The following POLR3C variants were observed in gnomAD, a reference collection of about 807,000 sequenced individuals.
POLR3C encodes DNA-directed RNA polymerase III subunit RPC3.
Under a neutral mutation model 65.9 loss-of-function variants are expected in POLR3C, and 44 were observed. That is an observed-to-expected ratio of 0.67 (90% CI 0.52 to 0.86). The LOEUF is 0.86. Among genes scored for constraint, POLR3C ranks in the 40% least tolerant of loss-of-function variants. The pLI is 0.00. For synonymous variants in POLR3C, 263 were observed against 231.6 expected (o/e 1.14, Z -1.23); for missense variants, 576 against 653.2 (o/e 0.88, Z 1.29).
intron 9 of POLR3C, 35 bp from the exon 10 acceptor site, chr1:145,837,501 A>G: frequency 2.4e-6 from 3 of 1,241,846 alleles, no homozygotes; most frequent in Non-Finnish European, 3.4e-6. Flanking sequence ...ACTAGGCCAA[A>G]ACATTACTGA....
intron 5 of POLR3C, among the ~76,000 whole-genome samples, chr1:145,831,858 A>G (rs1446064949): frequency 2.6e-5 from 4 of 152,144 alleles, no homozygotes; most frequent in Non-Finnish European, 5.9e-5. Flanking sequence ...CCTGAGCAAC[A>G]TGGTGAGACC....
chr1:145,824,414 A>G (rs868950736), intron 1 of POLR3C, 45 bp downstream of exon 1: 2 of 547,730 alleles, frequency 3.7e-6, no homozygotes, highest in South Asian at 1.5e-5. Context: ...TGACTGGACC[A>G]AGAGACCACG....
Position 145,826,575 on chromosome 1 carries a change from G to C in POLR3C, c.269G>C (p.Arg90Pro). 6.2e-7 allele frequency: 1 copy of C among 1,614,072 alleles called. No homozygotes were observed. Among genetic ancestry groups the C allele is most frequent in the Non-Finnish European group, 8.5e-7 (1 of 1,180,020 alleles). The part of the protein sequence containing the change: ...SRVLRMLRYP[R>P]YIYTTKTLYS... ...GTATTGCGAATGCTTAGATATCCCCGGTACATCTATACTACCAAAACTCTG... is the reference window on the plus strand; with the variant it reads ...GTATTGCGAATGCTTAGATATCCCCCGTACATCTATACTACCAAAACTCTG... Residue 90 changes from arginine (R) to proline (P), a missense_variant, in exon 3 of 15, where the codon CGG becomes CCG. Physicochemically the swap from Arg to Pro is moderately radical, Grantham distance 103. Coordinates refer to ENST00000334163, the MANE Select transcript of POLR3C (RefSeq NM_006468.8).
intron 7 of POLR3C, among the ~76,000 whole-genome samples, chr1:145,834,979 A>G (rs1327373384): frequency 6.6e-6 from 1 of 151,168 alleles, no homozygotes; most frequent in Non-Finnish European, 1.5e-5. Context: ...CGTCTCTACA[A>G]AAAATTTTTT....
intron 7 of POLR3C, among the ~76,000 whole-genome samples, chr1:145,834,956 A>G (rs1651676334): frequency 6.6e-6 from 1 of 151,266 alleles, no homozygotes; most frequent in Non-Finnish European, 1.5e-5. Flanking sequence ...CCTGGGCAAC[A>G]TGACAAGACC....
Position 145,825,881 on chromosome 1 carries a change from A to C in POLR3C, c.105A>C (p.Pro35=). Residue 35 remains proline (P), a synonymous_variant, in exon 2 of 15, where the codon CCA becomes CCC. Coordinates refer to ENST00000334163, the MANE Select transcript of POLR3C (RefSeq NM_006468.8). ...GVHLIRTGSQ[P]LRVIAHDTGT... The stretch of plus-strand genomic sequence containing the variant: ...ATCTGATAAGAACCGGCAGCCAGCC[A>C]CTAAGAGTAATTGCCCATGACACAG... 3 of 1,613,720 alleles carry C rather than the reference A, an allele frequency of 1.9e-6. No individual in the cohort carries two copies. The highest frequency in any genetic ancestry group is 2.5e-6 in the Non-Finnish European group (3 of 1,179,580).
At chr1:145,827,497 C>T (rs781862753) in intron 4 of POLR3C, among the ~76,000 whole-genome samples, 9 of 152,044 alleles carry the variant, frequency 5.9e-5, no homozygotes, top group South Asian at 2.1e-4. Flanking sequence ...TGGTGGTTCA[C>T]GCCTGTAATC....
rs587637304 is a variant in POLR3C at position 145,835,218 on chromosome 1, G to A, written c.877-1276G>A. ...AATCCCAGTACTTTGGGTGGCCGAG[G>A]CAGGCAGATCACCTGAGGAGTTCAA... On this transcript the variant is annotated intron_variant, in intron 7 of 14. Transcript: ENST00000334163. Among the ~76,000 whole-genome samples, 2 of 151,100 alleles carry A rather than the reference G, an allele frequency of 1.3e-5. 1 individual carries two copies. Among genetic ancestry groups the A allele is most frequent in the Non-Finnish European group, 2.9e-5 (2 of 67,886 alleles).
At chr1:145,828,720 G>T in intron 4 of POLR3C, 29 bp from the exon 5 acceptor site, 1 of 1,406,216 alleles carries the variant, frequency 7.1e-7, no homozygotes, top group Middle Eastern at 1.8e-4. Context: ...ATGAGATATA[G>T]TCTAAGTGTT....
rs372208573 is a variant in POLR3C, at chr1:145,826,865, G to A, written c.449G>A (p.Arg150Gln). The change falls in exon 4 of 15, where the codon CGA becomes CAA. Residue 150 changes from arginine to glutamine, a missense_variant. Transcript: ENST00000334163. ...GCTGAAGTATCAAACACATTTGTGC[G>A]ACTGGCAGACACACACTTTGTACAA... ...DYAEVSNTFV[R>Q]LADTHFVQRC... The A allele has an allele frequency of 1.2e-5, 20 of 1,611,824 alleles. No individual in the cohort carries two copies. Among genetic ancestry groups the A allele is most frequent in the Middle Eastern group, 1.6e-4 (1 of 6,068 alleles).
chr1:145,825,868 C>A lies in POLR3C; in HGVS notation c.92C>A (p.Thr31Asn). The A allele has an allele frequency of 1.2e-6, 2 of 1,613,432 alleles. No homozygotes were observed. Among genetic ancestry groups the A allele is most frequent in the South Asian group, 1.1e-5 (1 of 91,056 alleles). Residue 31 changes from threonine to asparagine, a missense_variant, in exon 2 of 15, where the codon ACC becomes AAC. Coordinates refer to ENST00000334163, the MANE Select transcript of POLR3C (RefSeq NM_006468.8). Reference sequence around the variant, plus strand: ...AAAATTGGAGTCCATCTGATAAGAACCGGCAGCCAGCCACTAAGAGTAATT... The same window carrying A: ...AAAATTGGAGTCCATCTGATAAGAAACGGCAGCCAGCCACTAAGAGTAATT... The part of the protein sequence containing the change: ...VEKIGVHLIR[T>N]GSQPLRVIAH...
Position 145,842,491 on chromosome 1 carries a change from T to C in POLR3C, c.*71T>C. On this transcript the variant is annotated 3_prime_UTR_variant, in exon 15 of 15. Coordinates refer to ENST00000334163, the MANE Select transcript of POLR3C (RefSeq NM_006468.8). ...AAAATAAAGGAGGTGCCTGGATGCA[T>C]TATTTGCAGTGGGATAAGTCGCAGA... is the stretch of plus-strand genomic sequence containing the variant. 1.0e-6 allele frequency: 1 copy of C among 987,742 alleles called. No individual in the cohort carries two copies. The highest frequency in any genetic ancestry group is 1.6e-6 in the Non-Finnish European group (1 of 613,708). The allele number at this position is 987,742 out of a possible 1,614,324, so 61.2% of individuals were successfully genotyped here.
rs587603396 is a variant in POLR3C at position 145,836,879 on chromosome 1, G to T, written c.1009+13G>T. 6.6e-7 allele frequency: 1 copy of T among 1,505,598 alleles called. No homozygotes were observed. The highest frequency in any genetic ancestry group is 1.8e-5 in the Admixed American group (1 of 55,952). The allele number at this position is 1,505,598 out of a possible 1,614,324, so 93.3% of individuals were successfully genotyped here. A position where few individuals can be genotyped will look rare whatever the true frequency, so the allele number is the denominator to read the frequency against. On this transcript the variant is annotated intron_variant, in intron 9 of 14. Transcript: ENST00000334163. Reference sequence around the variant, plus strand: ...ATGTATGTCATCAGTATCCTTACCAGTTATTTCCTTAGAGTCAGGCAGCCT... The same window carrying T: ...ATGTATGTCATCAGTATCCTTACCATTTATTTCCTTAGAGTCAGGCAGCCT...
intron 13 of POLR3C, chr1:145,840,369 G>A (rs782206653): frequency 3.5e-5 from 18 of 517,894 alleles, no homozygotes; most frequent in Non-Finnish European, 6.3e-5. Flanking sequence ...GTGAAACCCT[G>A]TCTTCACTAA....
Position 145,826,895 on chromosome 1 carries a change from G to A in POLR3C, c.479G>A (p.Cys160Tyr), listed in dbSNP as rs759938915. The A allele has an allele frequency of 4.3e-6, 7 of 1,613,146 alleles. No homozygotes were observed. The highest frequency in any genetic ancestry group is 5.9e-6 in the Non-Finnish European group (7 of 1,179,676). The change falls in exon 4 of 15, where the codon TGC becomes TAC. Residue 160 changes from cysteine to tyrosine, a missense_variant. Transcript: ENST00000334163. Reference protein sequence around the residue: ...RLADTHFVQRCPSVPTTENSD... With the variant: ...RLADTHFVQRYPSVPTTENSD... ...GCAGACACACACTTTGTACAACGCT[G>A]CCCTTCGGTACCTACCACTGAGAAT...
At chr1:145,841,098 A>G in intron 14 of POLR3C, 27 bp downstream of exon 14, 4 of 1,601,212 alleles carry the variant, frequency 2.5e-6, no homozygotes, top group Non-Finnish European at 3.4e-6. Flanking sequence ...TCAGACCTGC[A>G]TTTCAGAATA....
chr1:145,833,505 G>T lies in POLR3C; in HGVS notation c.799G>T (p.Val267Leu). Residue 267 changes from valine (V) to leucine (L), a missense_variant, in exon 7 of 15, where the codon GTG becomes TTG. Physicochemically the swap from Val to Leu is conservative, Grantham distance 32. Transcript: ENST00000334163. ...TTTCAAACAGACAAGCAGCGAGATT[G>T]TGCGAACCATGCTCCGAATGAGTGA... ...NRMDQTSSEI[V>L]RTMLRMSEIT... The T allele has an allele frequency of 1.2e-6, 2 of 1,613,512 alleles. No homozygotes were observed. The highest frequency in any genetic ancestry group is 8.5e-7 in the Non-Finnish European group (1 of 1,179,406).
At chr1:145,832,218 G>A (rs587712088) in intron 5 of POLR3C, among the ~76,000 whole-genome samples, 6 of 152,304 alleles carry the variant, frequency 3.9e-5, no homozygotes, top group Admixed American at 2.0e-4. Flanking sequence ...ACTGGAATGC[G>A]AGTGACAATT....
chr1:145,825,833 G>A lies in POLR3C; in HGVS notation c.57G>A (p.Glu19=), dbSNP rs781956874. ...TGTTGCTGCAAGAGCATTTTGGAGAGATTGTAGAAAAAATTGGAGTCCATC... is the reference window on the plus strand; with the variant it reads ...TGTTGCTGCAAGAGCATTTTGGAGAAATTGTAGAAAAAATTGGAGTCCATC... ...CSLLLQEHFG[E]IVEKIGVHLI... is the part of the protein sequence containing the mutation. The change falls in exon 2 of 15, where the codon GAG becomes GAA. Residue 19 remains glutamate, a synonymous_variant. Transcript: ENST00000334163. 2.5e-6 allele frequency: 4 copies of A among 1,613,214 alleles called. No homozygotes were observed. Among genetic ancestry groups the A allele is most frequent in the Non-Finnish European group, 3.4e-6 (4 of 1,179,128 alleles).
Sources: gnomAD v4.1 joint callset for allele counts (sites outside exome capture counted in the v4.1 genomes callset) on GRCh38, gnomAD v4.1.1 for gene constraint, MANE v1.5 for transcripts, NCBI Gene and HGNC (gene_info 2026-07-23, HGNC 2026-07-21) for gene names.